Variants in PTPRF observed in about 807,000 individuals in gnomAD.
PTPRF encodes protein tyrosine phosphatase receptor type F, also known as receptor-type tyrosine-protein phosphatase F.
PTPRF carries 59 observed loss-of-function variants against 201.8 expected under a neutral mutation model. The ratio of observed to expected loss-of-function variants is 0.29; its 90% CI spans 0.24 to 0.36. The LOEUF (loss-of-function observed/expected upper bound fraction) is 0.36, where lower values mean the gene tolerates loss of function less well. Among genes scored for constraint, PTPRF ranks in the 10% least tolerant of loss-of-function variants. The pLI is 1.00. For synonymous variants in PTPRF, 1,088 were observed against 1,089.7 expected (o/e 1.00, Z 0.03); for missense variants, 2,132 against 2,690.5 (o/e 0.79, Z 4.59).
At chr1:43,540,549 C>G (rs1470584967) in intron 2 of PTPRF, among the ~76,000 whole-genome samples, 1 of 152,214 alleles carries the variant, frequency 6.6e-6, no homozygotes, top group East Asian at 1.9e-4. Flanking sequence ...GAAGATACCT[C>G]TGCTGGTCCC....
At chr1:43,559,697 A>T (rs1016022620) in intron 5 of PTPRF, among the ~76,000 whole-genome samples, 3 of 145,660 alleles carry the variant, frequency 2.1e-5, no homozygotes, top group Non-Finnish European at 4.5e-5. Context: ...TGTGTGGTGT[A>T]CAGCAGGTGG....
At chr1:43,589,246 C>T (rs1421668535) in intron 8 of PTPRF, among the ~76,000 whole-genome samples, 1 of 151,968 alleles carries the variant, frequency 6.6e-6, no homozygotes, top group Admixed American at 6.5e-5. Context: ...CTAGCAAGCA[C>T]AGTTGATTTT....
rs375842660 is a variant in PTPRF, at chr1:43,606,853, G to T, written c.3742G>T (p.Val1248Phe). The T allele has an allele frequency of 6.2e-7, 1 of 1,614,094 alleles. No individual in the cohort carries two copies. ...ASSPYSDEIV[V>F]QVTPAQQQEE... ...CAGCCCCTACTCGGATGAGATCGTG[G>T]TCCAGGTGACACCAGCCCAGCAGCA... Residue 1248 changes from valine to phenylalanine, a missense_variant, in exon 21 of 34, where the codon GTC becomes TTC. Around this residue, in one of 6 missense-constraint regions of PTPRF, gnomAD observed 818 missense variants for 915.3 expected, o/e 0.89. Transcript: ENST00000359947.
intron 17 of PTPRF, 41 bp from the exon 18 acceptor site, chr1:43,605,149 C>T (rs1314067509): frequency 6.3e-7 from 1 of 1,577,704 alleles, no homozygotes; most frequent in Admixed American, 1.7e-5. Context: ...TGGTAGGGAA[C>T]CTCACCCAAA....
chr1:43,567,952 G>A (rs1370807782), intron 5 of PTPRF, among the ~76,000 whole-genome samples: 1 of 152,172 alleles, frequency 6.6e-6, no homozygotes, highest in African/African-American at 2.4e-5. Context: ...CCCACATTGG[G>A]TGTGTCTGGC....
intron 23 of PTPRF, among the ~76,000 whole-genome samples, chr1:43,614,078 A>G (rs1486290661): frequency 6.6e-6 from 1 of 152,270 alleles, no homozygotes; most frequent in African/African-American, 2.4e-5. Flanking sequence ...GCATCTATCA[A>G]GAGCATCCTG....
rs770067943 is a variant in PTPRF at position 43,613,393 on chromosome 1, C to T, written c.3974-225C>T. ...GGCCTAGTGCCCCCACTCAGCACCCCGCCACCAAAACAGGCTCCACATGCT... is the reference window on the plus strand; with the variant it reads ...GGCCTAGTGCCCCCACTCAGCACCCTGCCACCAAAACAGGCTCCACATGCT... On this transcript the variant is annotated intron_variant, in intron 22 of 33. Coordinates refer to ENST00000359947, the MANE Select transcript of PTPRF (RefSeq NM_002840.5). 45 of 514,558 alleles carry T rather than the reference C, an allele frequency of 8.7e-5. 1 individual carries two copies. Among genetic ancestry groups the T allele is most frequent in the Middle Eastern group, 4.8e-4 (1 of 2,068 alleles). The allele number at this position is 514,558 out of a possible 1,614,324, so 31.9% of individuals were successfully genotyped here.
chr1:43,580,245 G>A (rs1647255361), intron 7 of PTPRF, among the ~76,000 whole-genome samples: 1 of 152,146 alleles, frequency 6.6e-6, no homozygotes, highest in Admixed American at 6.5e-5. Flanking sequence ...ACTCTTTGGG[G>A]CCATGTGGTC....
chr1:43,598,876 T>C lies in PTPRF; in HGVS notation c.2276T>C (p.Leu759Pro). The change falls in exon 13 of 34, where the codon CTC becomes CCC. Residue 759 changes from leucine (L) to proline (P), a missense_variant. This residue lies in a region of PTPRF where 818 missense variants were observed against 915.3 expected (regional missense o/e 0.89). Coordinates refer to ENST00000359947, the MANE Select transcript of PTPRF (RefSeq NM_002840.5). ...CTGGAGAATGGCGAGCCCCGTGGAC[T>C]CCCCATCATCCAAGACGTCATGCTA... Reference protein sequence around the residue: ...VRLENGEPRGLPIIQDVMLAE... With the variant: ...VRLENGEPRGPPIIQDVMLAE... The C allele has an allele frequency of 6.2e-7, 1 of 1,614,048 alleles. No individual in the cohort carries two copies. Among genetic ancestry groups the C allele is most frequent in the Non-Finnish European group, 8.5e-7 (1 of 1,179,990 alleles).
chr1:43,525,528 CGT>C (rs918193797), upstream of PTPRF, among the ~76,000 whole-genome samples: 3 of 151,966 alleles, frequency 2.0e-5, no homozygotes, highest in African/African-American at 7.3e-5. Context: ...TCAGGCCAGG[CGT>C]GGTGGCTCAC....
chr1:43,620,827 A>G lies in PTPRF; in HGVS notation c.5365-11A>G. 6.2e-7 allele frequency: 1 copy of G among 1,607,278 alleles called. No individual in the cohort carries two copies. Among genetic ancestry groups the G allele is most frequent in the Non-Finnish European group, 8.5e-7 (1 of 1,176,160 alleles). ...CGAATTCTAATCATGTACCCCACCCACCTTTCCCAGGATGGGCAGTCAAGG... is the reference window on the plus strand; with the variant it reads ...CGAATTCTAATCATGTACCCCACCCGCCTTTCCCAGGATGGGCAGTCAAGG... On this transcript the variant is annotated splice_polypyrimidine_tract_variant and intron_variant, in intron 31 of 33. Transcript: ENST00000359947.
At chr1:43,618,897 T>G in intron 26 of PTPRF, 148 bp downstream of exon 26, 1 of 1,437,886 alleles carries the variant, frequency 7.0e-7, no homozygotes, top group Non-Finnish European at 9.5e-7. Flanking sequence ...ATCCATGTTA[T>G]GGGAACAGTG....
chr1:43,612,652 A>G, intron 22 of PTPRF: 1 of 945,222 alleles, frequency 1.1e-6, no homozygotes, highest in South Asian at 1.4e-5. Context: ...AGCCCCTCGC[A>G]AGCCCGCTCG....
Position 43,591,288 on chromosome 1 carries a change from A to C in PTPRF, c.1266A>C (p.Ala422=). ...APSSPPRRVQ[A]RMLSASTMLV... The stretch of plus-strand genomic sequence containing the variant: ...CCAGCCCACCGCGCCGCGTGCAGGC[A>C]CGCATGCTGAGCGCCAGCACCATGC... The change falls in exon 9 of 34, where the codon GCA becomes GCC. Residue 422 remains alanine, a synonymous_variant. Coordinates refer to ENST00000359947, the MANE Select transcript of PTPRF (RefSeq NM_002840.5). The C allele has an allele frequency of 6.4e-7, 1 of 1,554,238 alleles. No individual in the cohort carries two copies. The highest frequency in any genetic ancestry group is 1.4e-5 in the African/African-American group (1 of 73,470).
At position 43,591,388 on chromosome 1, in the gene PTPRF, C is replaced by A; in HGVS notation, c.1366C>A (p.Arg456Ser). 6.4e-7 allele frequency: 1 copy of A among 1,560,312 alleles called. No individual in the cohort carries two copies. The highest frequency in any genetic ancestry group is 2.4e-5 in the East Asian group (1 of 41,694). Residue 456 changes from arginine to serine, a missense_variant, in exon 9 of 34, where the codon CGC (arginine) becomes AGC (serine). Coordinates refer to ENST00000359947, the MANE Select transcript of PTPRF (RefSeq NM_002840.5). The part of the protein sequence containing the change: ...GYRVYYTPDS[R>S]RPPNAWHKHN... The stretch of plus-strand genomic sequence containing the variant: ...CCGCGTCTACTATACTCCGGACTCC[C>A]GCCGCCCCCCGAACGCCTGGCACAA...
chr1:43,550,817 A>G (rs751531723), intron 3 of PTPRF, among the ~76,000 whole-genome samples: 1 of 152,284 alleles, frequency 6.6e-6, no homozygotes, highest in South Asian at 2.1e-4. Context: ...GGTTGGGGGC[A>G]GGGGGACTGG....
intron 13 of PTPRF, 115 bp from the exon 14 acceptor site, chr1:43,601,956 G>A (rs565540656): frequency 1.8e-5 from 23 of 1,252,852 alleles, no homozygotes; most frequent in Non-Finnish European, 2.6e-5. Flanking sequence ...GGTACTTTGA[G>A]GCCCAAAAGC....
intron 2 of PTPRF, among the ~76,000 whole-genome samples, chr1:43,541,594 G>T (rs1197304994): frequency 6.6e-6 from 1 of 152,064 alleles, no homozygotes; most frequent in Non-Finnish European, 1.5e-5. Context: ...TTTTTATTTT[G>T]CCAAGTAAAG....
intron 14 of PTPRF, 132 bp downstream of exon 14, chr1:43,602,229 T>C (rs1164371634): frequency 3.1e-5 from 36 of 1,174,110 alleles, no homozygotes; most frequent in Non-Finnish European, 4.1e-5. Context: ...CAGGAGAAAA[T>C]TGGCGTTTAG....
Sources: allele counts gnomAD v4.1 joint callset (sites outside exome capture counted in the v4.1 genomes callset), GRCh38; gene constraint gnomAD v4.1.1; regional missense constraint gnomAD v4.1.1; transcripts MANE v1.5; gene names NCBI Gene and HGNC (gene_info 2026-07-23, HGNC 2026-07-21).